SOD2: variants seen among roughly 807,000 people sequenced by gnomAD.
SOD2 encodes the protein superoxide dismutase [Mn], mitochondrial.
A neutral mutation model predicts 27.0 loss-of-function variants in SOD2; 11 were observed. The ratio of observed to expected loss-of-function variants is 0.41; its 90% CI spans 0.26 to 0.67. The LOEUF is 0.67. Ranked by LOEUF, SOD2 falls within the 30% of genes least tolerant of loss-of-function variation. The pLI is 0.34. For synonymous variants in SOD2, 105 were observed against 103.0 expected, an observed-to-expected ratio of 1.02 and a Z score of -0.12; for missense variants, 250 against 274.5, an observed-to-expected ratio of 0.91 and a Z score of 0.63.
intron 1 of SOD2, chr6:159,738,877 A>T: frequency 1.5e-6 from 1 of 689,276 alleles, no homozygotes; most frequent in Non-Finnish European, 2.3e-6. Flanking sequence ...AAAAAATCAT[A>T]ATATGTACTG....
chr6:159,702,573 C>T (rs533534224), intron 1 of SOD2, among the ~76,000 whole-genome samples: 3 of 140,652 alleles, frequency 2.1e-5, no homozygotes, highest in South Asian at 4.4e-4. Context: ...GCTGGGAATA[C>T]AGGTGTGAGC....
upstream of SOD2, among the ~76,000 whole-genome samples, chr6:159,728,829 A>G (rs192630749): frequency 1.9e-3 from 283 of 152,330 alleles, no homozygotes; most frequent in African/African-American, 6.5e-3. Flanking sequence ...TTATATGTTA[A>G]GGTATCTTAA....
At chr6:159,719,958 AAGT>A (rs1777999888) in intron 1 of SOD2, among the ~76,000 whole-genome samples, 1 of 151,174 alleles carries the variant, frequency 6.6e-6, no homozygotes, top group African/African-American at 2.4e-5. Flanking sequence ...TCCCGACCTC[AAGT>A]GATCTGCCTG....
chr6:159,685,735 A>G (rs748995612), intron 3 of SOD2, among the ~76,000 whole-genome samples: 2 of 150,584 alleles, frequency 1.3e-5, no homozygotes, highest in African/African-American at 2.4e-5. Flanking sequence ...TTTTATATCC[A>G]TAAGTACTCC....
chr6:159,713,009 G>T, intron 1 of SOD2: 1 of 635,702 alleles, frequency 1.6e-6, no homozygotes. Context: ...CTCAACATCT[G>T]CCCTACCAGT....
intron 1 of SOD2, among the ~76,000 whole-genome samples, chr6:159,708,634 T>G (rs1211957173): frequency 3.3e-5 from 5 of 152,210 alleles, no homozygotes; most frequent in South Asian, 2.1e-4. Flanking sequence ...ACAAACAAAT[T>G]GAAGAACATT....
At position 159,758,345 on chromosome 6, in the gene SOD2, C is replaced by G. The variant is rs1032500229; in HGVS notation, c.-336+2692G>C. 1.3e-4 allele frequency among the ~76,000 whole-genome samples: 20 copies of G among 152,138 alleles called. 1 individual carries two copies. The highest frequency in any genetic ancestry group is 1.3e-3 in the Admixed American group (20 of 15,286). On this transcript the variant is annotated intron_variant, in intron 1 of 7. Coordinates refer to the SOD2 transcript ENST00000546087. Reference sequence around the variant, plus strand: ...GGGAAGTCTAAAGATCACAGTGCCCCCTGATTGGTGCCCCAGTTTGGTTCC... The same window carrying G: ...GGGAAGTCTAAAGATCACAGTGCCCGCTGATTGGTGCCCCAGTTTGGTTCC...
intron 1 of SOD2, among the ~76,000 whole-genome samples, chr6:159,720,866 TTTTTTTTTG>T: frequency 7.7e-6 from 1 of 130,444 alleles, no homozygotes; most frequent in Admixed American, 8.0e-5. Flanking sequence ...TTTTTTTTTT[TTTTTTTTTG>T]AGACAGTGTC....
intron 1 of SOD2, among the ~76,000 whole-genome samples, chr6:159,757,519 TCTC>T (rs1446834842): frequency 6.6e-6 from 1 of 151,922 alleles, no homozygotes; most frequent in African/African-American, 2.4e-5. Flanking sequence ...TTCAAGTAAT[TCTC>T]CTGCCTCAGA....
chr6:159,703,951 A>G (rs912008337), intron 1 of SOD2, among the ~76,000 whole-genome samples: 3 of 152,236 alleles, frequency 2.0e-5, no homozygotes, highest in Admixed American at 6.5e-5. Flanking sequence ...TAAGCATGTG[A>G]CACAAGCCTG....
At chr6:159,755,749 G>GTTTTTTTTTTTTTTTTTT (rs1402868444) in intron 1 of SOD2, 42 of 300,228 alleles carry the variant, frequency 1.4e-4, no homozygotes, top group African/African-American at 7.0e-4. Flanking sequence ...TTTTTTCTTT[G>GTTTTTTTTTTTTTTTTTT]TTTTTTTTTT....
At position 159,669,707 on chromosome 6, in the gene SOD2, A is replaced by G. The variant is rs1207775984; in HGVS notation, c.*12786T>C. 3.3e-5 allele frequency: 5 copies of G among 152,222 alleles called. No homozygotes were observed. Among genetic ancestry groups the G allele is most frequent in the African/African-American group, 1.2e-4 (5 of 41,468 alleles). The allele number at this position is 152,222 out of a possible 1,614,324, so 9.4% of individuals were successfully genotyped here. A position where few individuals can be genotyped will look rare whatever the true frequency, so the allele number is the denominator to read the frequency against. ...CATGAATTGATCCTTGTTTCATTACATAATGACTTTTCTTTTTACAGTTTT... is the reference window on the plus strand; with the variant it reads ...CATGAATTGATCCTTGTTTCATTACGTAATGACTTTTCTTTTTACAGTTTT... On this transcript the variant is annotated 3_prime_UTR_variant, in exon 5 of 5. Coordinates refer to ENST00000538183, the MANE Select transcript of SOD2 (RefSeq NM_000636.4).
rs1009722642 is a variant in SOD2, at chr6:159,761,567, A to G, written c.-866T>C. ...CGCCGAGAGCAAAAGGACCCATCAG[A>G]GCTGTGCTGAGACCCGCCGCGGGCC... On this transcript the variant is annotated 5_prime_UTR_variant, in exon 1 of 8. Transcript: ENST00000546087. The G allele has an allele frequency of 6.6e-6, 3 of 456,372 alleles. No homozygotes were observed. The Admixed American group carries it at 7.0e-5, about 11-fold the overall frequency. The allele number at this position is 456,372 out of a possible 1,614,324, so 28.3% of individuals were successfully genotyped here. A position where few individuals can be genotyped will look rare whatever the true frequency, so the allele number is the denominator to read the frequency against.
chr6:159,692,474 C>T (rs1173687933), intron 2 of SOD2, 187 bp downstream of exon 2: 3 of 1,442,534 alleles, frequency 2.1e-6, no homozygotes, highest in Admixed American at 2.9e-5. Flanking sequence ...TCAAACCCAT[C>T]GAGGCACTCC....
intron 1 of SOD2, among the ~76,000 whole-genome samples, chr6:159,703,530 A>G (rs961859227): frequency 3.9e-5 from 6 of 151,942 alleles, no homozygotes; most frequent in African/African-American, 7.2e-5. Flanking sequence ...CGAAACTCCT[A>G]AAGTATTAGT....
chr6:159,701,569 CAAAAAAAA>C (rs752905908), intron 1 of SOD2, among the ~76,000 whole-genome samples: 4 of 78,042 alleles, frequency 5.1e-5, no homozygotes, highest in Admixed American at 1.5e-4. Flanking sequence ...GACCCTGTTT[CAAAAAAAA>C]AAAAAAAAAA....
At chr6:159,718,545 A>C (rs1333846604) in intron 1 of SOD2, among the ~76,000 whole-genome samples, 7 of 152,248 alleles carry the variant, frequency 4.6e-5, no homozygotes, top group Non-Finnish European at 1.0e-4. Context: ...TGAAGACTAA[A>C]TGTTATAGCT....
chr6:159,730,693 G>A (rs975171200), upstream of SOD2, among the ~76,000 whole-genome samples: 3 of 152,170 alleles, frequency 2.0e-5, no homozygotes, highest in Non-Finnish European at 1.5e-5. Flanking sequence ...TCTAAATACT[G>A]AGGCTCTGAA....
chr6:159,710,146 G>A (rs1200504038), intron 1 of SOD2, among the ~76,000 whole-genome samples: 4 of 151,120 alleles, frequency 2.6e-5, no homozygotes, highest in Admixed American at 2.0e-4. Flanking sequence ...GATAGCATTA[G>A]GAGATATACC....
Sources: gnomAD v4.1 joint callset for allele counts (sites outside exome capture counted in the v4.1 genomes callset) on GRCh38, gnomAD v4.1.1 for gene constraint, MANE v1.5 for transcripts, NCBI Gene and HGNC (gene_info 2026-07-23, HGNC 2026-07-21) for gene names.